The following KIF27 variants were observed in gnomAD, a reference collection of about 807,000 sequenced individuals.
The protein encoded by KIF27 is kinesin family member 27.
A neutral mutation model predicts 141.8 loss-of-function variants in KIF27; 84 were observed. The observed-to-expected ratio is 0.59, with a 90% CI of 0.50 to 0.71. KIF27 has a LOEUF of 0.71. Ranked by LOEUF, KIF27 falls within the 30% of genes least tolerant of loss-of-function variation. The pLI is 0.00. For synonymous variants in KIF27, 471 were observed against 569.5 expected (o/e 0.83, Z 2.46); for missense variants, 1,306 against 1,628.4 (o/e 0.80, Z 3.41).
chr9:83,856,883 A>AGT (rs148042065), intron 14 of KIF27, among the ~76,000 whole-genome samples: 21,874 of 146,916 alleles, frequency 0.15, 1,814 homozygotes, highest in African/African-American at 0.2. Flanking sequence ...CTCCACCCTG[A>AGT]GTGACAGAGT....
chr9:83,847,774 A>G (rs1050105492), intron 16 of KIF27: 4 of 152,038 alleles, frequency 2.6e-5, no homozygotes, highest in African/African-American at 9.7e-5. Context: ...CTAGCCTCCC[A>G]GCCTGCATCT....
intron 14 of KIF27, among the ~76,000 whole-genome samples, chr9:83,855,471 C>G (rs1373027277): frequency 6.6e-6 from 1 of 151,932 alleles, no homozygotes; most frequent in East Asian, 1.9e-4. Flanking sequence ...TTCACCTTTT[C>G]AAGAAAAAAA....
At chr9:83,919,475 AG>A (rs1467515902) in intron 1 of KIF27, among the ~76,000 whole-genome samples, 1 of 152,212 alleles carries the variant, frequency 6.6e-6, no homozygotes. Flanking sequence ...AGGTGAGGTT[AG>A]GTTCTTTGGA....
chr9:83,855,062 A>C (rs1291197236), intron 14 of KIF27: 1 of 151,784 alleles, frequency 6.6e-6, no homozygotes, highest in Non-Finnish European at 1.5e-5. Context: ...ACAGGGTCTC[A>C]CTCACTTTGT....
At chr9:83,880,123 T>C in intron 11 of KIF27, 174 bp downstream of exon 11, 5 of 887,660 alleles carry the variant, frequency 5.6e-6, no homozygotes, top group Middle Eastern at 2.2e-4. Flanking sequence ...CAAAATTCAA[T>C]AAGTAGGTTT....
chr9:83,910,225 CACT>C (rs1486461040), intron 2 of KIF27, among the ~76,000 whole-genome samples: 5 of 151,816 alleles, frequency 3.3e-5, no homozygotes, highest in African/African-American at 1.2e-4. Flanking sequence ...CTTGGATATT[CACT>C]ACTACTAGTG....
chr9:83,895,071 G>T (rs754023169), intron 5 of KIF27, among the ~76,000 whole-genome samples: 23 of 147,050 alleles, frequency 1.6e-4, no homozygotes, highest in Non-Finnish European at 2.4e-4. Flanking sequence ...CTAACACAGT[G>T]AAACCCCGTC....
At chr9:83,849,519 G>C (rs1256369471) in intron 16 of KIF27, 1 of 153,400 alleles carries the variant, frequency 6.5e-6, no homozygotes, top group African/African-American at 2.4e-5. Context: ...CATATGCCTA[G>C]GTAAAATGAG....
intron 13 of KIF27, chr9:83,860,060 T>C (rs768932758): frequency 6.6e-6 from 1 of 152,146 alleles, no homozygotes; most frequent in Non-Finnish European, 1.5e-5. Flanking sequence ...AAACATATGA[T>C]TGGTTGGCTT....
At position 83,887,067 on chromosome 9, in the gene KIF27, T is replaced by C; in HGVS notation, c.2213A>G (p.Asp738Gly). Residue 738 changes from aspartate to glycine, a missense_variant, in exon 9 of 18, where the codon GAT becomes GGT. Physicochemically the swap from Asp to Gly is moderately conservative, Grantham distance 94. This residue lies in a region of KIF27 where 596 missense variants were observed against 751.6 expected (regional missense o/e 0.79). Transcript: ENST00000297814. ...TGTTTTTATTAATTCTTTAATCAGATCTTCCTTCATCTTGATGTTAATTGT... is the reference window on the plus strand; with the variant it reads ...TGTTTTTATTAATTCTTTAATCAGACCTTCCTTCATCTTGATGTTAATTGT... ...ELTINIKMKE[D>G]LIKELIKTGN... The C allele has an allele frequency of 6.3e-7, 1 of 1,594,974 alleles. No homozygotes were observed. The highest frequency in any genetic ancestry group is 8.5e-7 in the Non-Finnish European group (1 of 1,174,092).
intron 13 of KIF27, chr9:83,860,097 T>C (rs1364911852): frequency 6.6e-6 from 1 of 152,192 alleles, no homozygotes; most frequent in African/African-American, 2.4e-5. Flanking sequence ...TTTACTTGTA[T>C]TTCATTCTGA....
intron 1 of KIF27, among the ~76,000 whole-genome samples, chr9:83,919,202 T>C (rs560537969): frequency 6.6e-6 from 1 of 152,334 alleles, no homozygotes; most frequent in African/African-American, 2.4e-5. Context: ...CATACACTAT[T>C]TGTGGGAAGG....
chr9:83,863,979 A>G (rs796224703), intron 13 of KIF27, among the ~76,000 whole-genome samples: 1 of 152,146 alleles, frequency 6.6e-6, no homozygotes, highest in Non-Finnish European at 1.5e-5. Flanking sequence ...TGTTTATAGT[A>G]TTCTCTGATG....
chr9:83,915,819 A>G, intron 1 of KIF27, 141 bp from the exon 2 acceptor site: 1 of 470,752 alleles, frequency 2.1e-6, no homozygotes, highest in South Asian at 3.2e-5. Context: ...TGTCTTGTAA[A>G]ATACATCGTA....
chr9:83,895,952 G>T (rs555914981), intron 5 of KIF27, among the ~76,000 whole-genome samples: 1 of 150,504 alleles, frequency 6.6e-6, no homozygotes. Flanking sequence ...CTAGGGAGGT[G>T]GAGGCAGGAG....
chr9:83,887,174 C>T lies in KIF27; in HGVS notation c.2106G>A (p.Gln702=). The part of the protein sequence containing the change: ...ENEDLKIDCL[Q]ESQELNLQKL... ...TTTGCAAATTCAATTCTTGACTCTC[C>T]TGGAGACAATCAATCTTTAAATCTT... is the stretch of plus-strand genomic sequence containing the variant. Residue 702 remains glutamine, a synonymous_variant, in exon 9 of 18, where the codon CAG becomes CAA. Coordinates refer to ENST00000297814, the MANE Select transcript of KIF27 (RefSeq NM_017576.4). 1 of 1,537,508 alleles carries T rather than the reference C, an allele frequency of 6.5e-7. No individual in the cohort carries two copies. The highest frequency in any genetic ancestry group is 1.7e-4 in the Middle Eastern group (1 of 5,758).
intron 17 of KIF27, among the ~76,000 whole-genome samples, chr9:83,839,550 G>A (rs1946319500): frequency 6.6e-6 from 1 of 152,172 alleles, no homozygotes; most frequent in South Asian, 2.1e-4. Context: ...ACAGAGGGAG[G>A]ACCATCAAGT....
Position 83,898,652 on chromosome 9 carries a change from A to T in KIF27, c.1602+1009T>A, listed in dbSNP as rs1347039267. On this transcript the variant is annotated intron_variant, in intron 5 of 17. Coordinates refer to ENST00000297814, the MANE Select transcript of KIF27 (RefSeq NM_017576.4). Reference sequence around the variant, plus strand: ...GTATATACTTTAGTTTTATGTTTTTAAATTATTATACAATTAGGGCCAGGC... The same window carrying T: ...GTATATACTTTAGTTTTATGTTTTTTAATTATTATACAATTAGGGCCAGGC... 2.0e-5 allele frequency: 3 copies of T among 152,140 alleles called. No individual in the cohort carries two copies. The East Asian group carries it at 5.8e-4, about 29-fold the overall frequency. The allele number at this position is 152,140 out of a possible 1,614,324, so 9.4% of individuals were successfully genotyped here.
intron 4 of KIF27, among the ~76,000 whole-genome samples, chr9:83,900,021 A>T (rs1192182354): frequency 1.3e-5 from 2 of 152,180 alleles, no homozygotes; most frequent in Non-Finnish European, 2.9e-5. Context: ...TGAAGACAGA[A>T]GATTTTCCTG....
Sources: allele counts gnomAD v4.1 joint callset (sites outside exome capture counted in the v4.1 genomes callset), GRCh38; gene constraint gnomAD v4.1.1; regional missense constraint gnomAD v4.1.1; transcripts MANE v1.5; gene names NCBI Gene and HGNC (gene_info 2026-07-23, HGNC 2026-07-21).